The following ZNF432 variants were observed in gnomAD, a reference collection of about 807,000 sequenced individuals.
The protein encoded by ZNF432 is zinc finger protein 432.
A neutral mutation model predicts 13.9 loss-of-function variants in ZNF432; 10 were observed. The ratio of observed to expected loss-of-function variants is 0.72; its 90% CI spans 0.44 to 1.22. The LOEUF (loss-of-function observed/expected upper bound fraction) is 1.22. Ranked by LOEUF, ZNF432 falls within the 50% of genes most tolerant of loss-of-function variation. The probability of loss-of-function intolerance (pLI) is 0.00; values close to 1 mark genes in which losing one functional copy is unlikely to be tolerated. For missense variants in ZNF432, 793 were observed against 796.2 expected (o/e 1.00, Z 0.05); for synonymous variants, 247 against 256.2 (o/e 0.96, Z 0.34).
chr19:52,035,503 G>T, intron 4 of ZNF432, 63 bp from the exon 5 acceptor site: 1 of 1,285,804 alleles, frequency 7.8e-7, no homozygotes, highest in Non-Finnish European at 1.0e-6. Flanking sequence ...TGTCTTCTTA[G>T]AAAAAAAAAT....
intron 4 of ZNF432, among the ~76,000 whole-genome samples, chr19:52,035,849 C>G (rs139964929): frequency 6.6e-6 from 1 of 152,020 alleles, no homozygotes; most frequent in Non-Finnish European, 1.5e-5. Flanking sequence ...TTTTAAATAT[C>G]GCTATTTAAT....
chr19:52,040,369 G>T, intron 4 of ZNF432, 119 bp downstream of exon 4: 1 of 856,550 alleles, frequency 1.2e-6, no homozygotes, highest in Non-Finnish European at 2.0e-6. Context: ...AGGGTTTCTT[G>T]TGGAGGGAAA....
chr19:52,043,516 G>T (rs1318370328), intron 2 of ZNF432, among the ~76,000 whole-genome samples: 1 of 151,970 alleles, frequency 6.6e-6, no homozygotes, highest in African/African-American at 2.4e-5. Flanking sequence ...CTCGTGGGAA[G>T]GGAAAGACCT....
At position 52,035,056 on chromosome 19, in the gene ZNF432, C is replaced by G; in HGVS notation, c.623G>C (p.Ser208Thr). ...CTTGACAAACGCTTTCCCACATTCA[C>G]TGCATACGTGGTTTTTTTCTATTTC... ...THEIEKNHVC[S>T]ECGKAFVKKS... Residue 208 changes from serine (S) to threonine (T), a missense_variant, in exon 5 of 5, where the codon AGT becomes ACT. Physicochemically the swap from Ser to Thr is moderately conservative, Grantham distance 58. Coordinates refer to ENST00000221315, the MANE Select transcript of ZNF432 (RefSeq NM_014650.4). 6.2e-7 allele frequency: 1 copy of G among 1,614,154 alleles called. No individual in the cohort carries two copies. The highest frequency in any genetic ancestry group is 8.5e-7 in the Non-Finnish European group (1 of 1,180,032).
intron 4 of ZNF432, among the ~76,000 whole-genome samples, chr19:52,038,756 T>A (rs2087107501): frequency 6.6e-6 from 1 of 152,262 alleles, no homozygotes; most frequent in South Asian, 2.1e-4. Context: ...TAATCTTCTG[T>A]GTAGTGAGGA....
chr19:52,039,191 T>C (rs2087111144), intron 4 of ZNF432, among the ~76,000 whole-genome samples: 1 of 152,234 alleles, frequency 6.6e-6, no homozygotes, highest in South Asian at 2.1e-4. Context: ...GACCCCCTCC[T>C]GGACTACAAA....
chr19:52,046,734 T>C (rs2087187083), intron 2 of ZNF432, 120 bp downstream of exon 2: 1 of 976,032 alleles, frequency 1.0e-6, no homozygotes, highest in Non-Finnish European at 1.5e-6. Context: ...GATCTTACTT[T>C]GCCATGATGT....
chr19:52,035,835 G>A (rs944421562), intron 4 of ZNF432, among the ~76,000 whole-genome samples: 2 of 152,090 alleles, frequency 1.3e-5, no homozygotes, highest in African/African-American at 4.8e-5. Flanking sequence ...ACCTGGCCAG[G>A]TGTTTTTAAA....
intron 2 of ZNF432, among the ~76,000 whole-genome samples, chr19:52,043,577 G>A (rs2087154891): frequency 6.6e-6 from 1 of 151,846 alleles, no homozygotes; most frequent in African/African-American, 2.4e-5. Flanking sequence ...AGGAGGATTA[G>A]TATAAGAGGA....
Position 52,034,908 on chromosome 19 carries a change from T to C in ZNF432, c.771A>G (p.Arg257=). 1 of 1,613,316 alleles carries C rather than the reference T, an allele frequency of 6.2e-7. No individual in the cohort carries two copies. The highest frequency in any genetic ancestry group is 8.5e-7 in the Non-Finnish European group (1 of 1,179,762). The change falls in exon 5 of 5, where the codon AGA becomes AGG. Residue 257 remains arginine, a synonymous_variant. Coordinates refer to ENST00000221315, the MANE Select transcript of ZNF432 (RefSeq NM_014650.4). ...RLNEHQRIHK[R]EKSFICSECG... ...ATTCACTGCATATAAAAGATTTCTC[T>C]CTTTTATGAATTCTTTGATGTTCAT...
At position 52,032,820 on chromosome 19, in the gene ZNF432, G is replaced by GT; in HGVS notation, c.*899dup. 6.6e-6 allele frequency: 1 copy of GT among 152,254 alleles called. No homozygotes were observed. The highest frequency in any genetic ancestry group is 1.5e-5 in the Non-Finnish European group (1 of 68,004). 9.4% of individuals were successfully genotyped at this position (152,254 alleles called of 1,614,324 possible). On this transcript the variant is annotated 3_prime_UTR_variant, in exon 5 of 5. Coordinates refer to ENST00000221315, the MANE Select transcript of ZNF432 (RefSeq NM_014650.4). The stretch of plus-strand genomic sequence containing the variant: ...TACTCTTCATATAAGTTTTATTTCT[G>GT]TATGAAGTAATGATGATGAGGCAGC...
intron 2 of ZNF432, among the ~76,000 whole-genome samples, chr19:52,046,318 C>T (rs557842095): frequency 3.9e-5 from 6 of 152,266 alleles, no homozygotes; most frequent in South Asian, 4.1e-4. Context: ...CACACAGACA[C>T]GCAAGACTTG....
chr19:52,034,370 C>T lies in ZNF432; in HGVS notation c.1309G>A (p.Gly437Ser), dbSNP rs892382214. The change falls in exon 5 of 5, where the codon GGT (glycine) becomes AGT (serine). Residue 437 changes from glycine (G) to serine (S), a missense_variant. Gly to Ser is a moderately conservative substitution (Grantham distance 56). Transcript: ENST00000221315. The part of the protein sequence containing the change: ...KSYLCSECGK[G>S]FTVKSMLIIH... ...ATGAGCATGCTTTTCACAGTAAAACCTTTTCCACATTCACTACATAGATAT... is the reference window on the plus strand; with the variant it reads ...ATGAGCATGCTTTTCACAGTAAAACTTTTTCCACATTCACTACATAGATAT... 10 of 1,613,758 alleles carry T rather than the reference C, an allele frequency of 6.2e-6. No homozygotes were observed. In the Admixed American group the frequency reaches 6.7e-5, roughly 11 times the overall value.
intron 2 of ZNF432, among the ~76,000 whole-genome samples, chr19:52,041,860 T>C (rs994463983): frequency 2.6e-5 from 4 of 152,204 alleles, no homozygotes; most frequent in African/African-American, 9.6e-5. Flanking sequence ...AATTTTAATT[T>C]TGGTATCTAT....
chr19:52,048,734 AACTT>A lies in ZNF432; in HGVS notation c.-236_-233del, dbSNP rs1273492621. 1.3e-5 allele frequency: 2 copies of A among 152,778 alleles called. No individual in the cohort carries two copies. Among genetic ancestry groups the A allele is most frequent in the African/African-American group, 4.8e-5 (2 of 41,420 alleles). 9.5% of individuals were successfully genotyped at this position (152,778 alleles called of 1,614,324 possible). On this transcript the variant is annotated 5_prime_UTR_variant, in exon 1 of 5. An upstream open reading frame in the 5' UTR loses its in-frame stop. Transcript: ENST00000221315. ...AATCGCCGCGACCTCTTAAAAGCTG[AACTT>A]ACTTCCCTAAACTTCTTCCACTTCT...
At chr19:52,035,479 G>T (rs765155662) in intron 4 of ZNF432, 39 bp from the exon 5 acceptor site, 1 of 1,448,246 alleles carries the variant, frequency 6.9e-7, no homozygotes, top group Non-Finnish European at 9.2e-7. Flanking sequence ...TTATAATCTT[G>T]TTGGGGATAA....
chr19:52,036,276 G>C (rs145377909), intron 4 of ZNF432, among the ~76,000 whole-genome samples: 2 of 152,162 alleles, frequency 1.3e-5, no homozygotes, highest in African/African-American at 4.8e-5. Flanking sequence ...ATTCTAATTA[G>C]GAAAAACAAT....
At chr19:52,040,437 T>G in intron 4 of ZNF432, 51 bp downstream of exon 4, 1 of 1,528,816 alleles carries the variant, frequency 6.5e-7, no homozygotes, top group Non-Finnish European at 9.1e-7. Context: ...CCACAGAGCC[T>G]TCTTTCACTG....
At chr19:52,041,633 T>C in intron 2 of ZNF432, 27 bp from the exon 3 acceptor site, 1 of 1,613,842 alleles carries the variant, frequency 6.2e-7, no homozygotes, top group South Asian at 1.1e-5. Context: ...CCTTGCTTAA[T>C]AGGAAGTGTT....
Sources: allele counts gnomAD v4.1 joint callset (sites outside exome capture counted in the v4.1 genomes callset), GRCh38; gene constraint gnomAD v4.1.1; transcripts MANE v1.5; gene names NCBI Gene and HGNC (gene_info 2026-07-23, HGNC 2026-07-21).